Variants in CAST observed in about 807,000 individuals in gnomAD.
CAST encodes calpastatin, also known as MIR583 host.
A neutral mutation model predicts 119.6 loss-of-function variants in CAST; 76 were observed. That is an observed-to-expected ratio of 0.64 (90% CI 0.53 to 0.77). CAST has a LOEUF of 0.77. CAST is among the 30% of genes least tolerant of loss of function. The probability of loss-of-function intolerance (pLI) is 0.00; values close to 1 mark genes in which losing one functional copy is unlikely to be tolerated. For missense variants in CAST, 953 were observed against 946.5 expected (o/e 1.01, Z -0.09); for synonymous variants, 319 against 331.6 (o/e 0.96, Z 0.41).
At chr5:96,139,853 G>A in the CAST span, among the ~76,000 whole-genome samples, 1 of 151,936 alleles carries the variant, frequency 6.6e-6, no homozygotes, top group Non-Finnish European at 1.5e-5. Context: ...TTTTATTGCA[G>A]TAAAACTTTA....
intron 3 of CAST, among the ~76,000 whole-genome samples, chr5:96,699,648 G>A (rs1753659961): frequency 6.6e-6 from 1 of 152,194 alleles, no homozygotes; most frequent in Non-Finnish European, 1.5e-5. Context: ...GCTCATTCTT[G>A]TTTGGCACAT....
rs748295247 is a variant in CAST at position 96,766,072 on chromosome 5, A to G, written c.2057A>G (p.His686Arg). 3.7e-5 allele frequency: 59 copies of G among 1,606,120 alleles called. 1 individual carries two copies. The South Asian group carries it at 6.3e-4, about 17-fold the overall frequency. The change falls in exon 27 of 32, where the codon CAT (histidine) becomes CGT (arginine). Residue 686 changes from histidine to arginine, a missense_variant. By Grantham distance (29) the His-to-Arg change is conservative. Transcript: ENST00000675179. Reference sequence around the variant, plus strand: ...ATATAGGAAAAAGCTAAAGCTGAACATAGAGACAAGCTTGGAGAAAGAGAT... The same window carrying G: ...ATATAGGAAAAAGCTAAAGCTGAACGTAGAGACAAGCTTGGAGAAAGAGAT... ...DKVKEKAKAE[H>R]RDKLGERDDT... is the part of the protein sequence containing the mutation.
chr5:96,071,469 C>T, the CAST span, among the ~76,000 whole-genome samples: 1 of 152,128 alleles, frequency 6.6e-6, no homozygotes, highest in Non-Finnish European at 1.5e-5. Flanking sequence ...ATCCCTATTC[C>T]TAGGCATCCT....
chr5:96,401,131 A>G, the CAST span, among the ~76,000 whole-genome samples: 2 of 151,036 alleles, frequency 1.3e-5, no homozygotes, highest in Admixed American at 1.3e-4. Flanking sequence ...CAATCCAGTA[A>G]AAAGAATTAA....
At chr5:96,426,360 C>A in the CAST span, among the ~76,000 whole-genome samples, 1,266 of 152,210 alleles carry the variant, frequency 8.3e-3, 28 homozygotes, top group African/African-American at 0.029. Context: ...AGATTAATTT[C>A]TCTGTCTTTA....
chr5:96,519,976 G>A, the CAST span, among the ~76,000 whole-genome samples: 1 of 152,150 alleles, frequency 6.6e-6, no homozygotes, highest in African/African-American at 2.4e-5. Flanking sequence ...GTCTCACTGT[G>A]TTATATGAAT....
At chr5:96,023,312 G>A in the CAST span, among the ~76,000 whole-genome samples, 1 of 152,178 alleles carries the variant, frequency 6.6e-6, no homozygotes, top group African/African-American at 2.4e-5. Flanking sequence ...GCTCTGTGGG[G>A]TCAGGGTGAA....
the CAST span, among the ~76,000 whole-genome samples, chr5:96,061,510 T>C: frequency 6.6e-6 from 1 of 152,106 alleles, no homozygotes; most frequent in African/African-American, 2.4e-5. Context: ...AAAAAAGGCC[T>C]GAACTTGACT....
At chr5:96,139,520 GTATATATATACATA>G in the CAST span, among the ~76,000 whole-genome samples, 1 of 133,914 alleles carries the variant, frequency 7.5e-6, no homozygotes, top group Non-Finnish European at 1.6e-5. Context: ...ATATATATGT[GTATATATATACATA>G]TATATATGTA....
At chr5:96,292,700 C>A in the CAST span, among the ~76,000 whole-genome samples, 1 of 152,116 alleles carries the variant, frequency 6.6e-6, no homozygotes, top group Non-Finnish European at 1.5e-5. Flanking sequence ...TCATACAGTG[C>A]TAAATAATTT....
the CAST span, among the ~76,000 whole-genome samples, chr5:96,180,908 T>C: frequency 1.3e-5 from 2 of 152,266 alleles, no homozygotes; most frequent in East Asian, 3.9e-4. Context: ...TCCTCCAGAG[T>C]GTTGTGAAAG....
At chr5:96,027,389 G>A in the CAST span, among the ~76,000 whole-genome samples, 2 of 151,744 alleles carry the variant, frequency 1.3e-5, no homozygotes, top group African/African-American at 2.4e-5. Flanking sequence ...TTTGATATTC[G>A]TTATAGCTTT....
the CAST span, among the ~76,000 whole-genome samples, chr5:96,132,586 A>G: frequency 6.6e-6 from 1 of 152,038 alleles, no homozygotes; most frequent in African/African-American, 2.4e-5. Flanking sequence ...AACCTCTAAT[A>G]ACCACAATTC....
At chr5:96,739,997 A>T (rs376314326) in intron 11 of CAST, 41 bp from the exon 12 acceptor site, 1 of 921,436 alleles carries the variant, frequency 1.1e-6, no homozygotes, top group Non-Finnish European at 1.7e-6. Flanking sequence ...TTGTCAGGTA[A>T]TTAATTATAT....
the CAST span, among the ~76,000 whole-genome samples, chr5:96,281,151 T>C: frequency 0.16 from 24,600 of 152,108 alleles, 2,929 homozygotes; most frequent in African/African-American, 0.32. Context: ...TATGCATTAT[T>C]GAGAGCAATA....
the CAST span, among the ~76,000 whole-genome samples, chr5:95,984,426 A>G: frequency 6.6e-6 from 1 of 152,170 alleles, no homozygotes. Flanking sequence ...CTCTATCCTA[A>G]TTATCCTGTG....
chr5:96,369,126 G>A, the CAST span, among the ~76,000 whole-genome samples: 17 of 150,460 alleles, frequency 1.1e-4, no homozygotes, highest in Non-Finnish European at 2.2e-4. Flanking sequence ...CTTATATTGC[G>A]TTTTTATCTA....
At chr5:96,688,637 CATACTT>C (rs141894129) in intron 2 of CAST, among the ~76,000 whole-genome samples, 188 of 152,196 alleles carry the variant, frequency 1.2e-3, no homozygotes, top group African/African-American at 4.4e-3. Flanking sequence ...ATTCATATAA[CATACTT>C]ATAATATGTT....
rs1749314751 is a variant in CAST, at chr5:96,666,226, A to G, written c.75+3729A>G. Among the ~76,000 whole-genome samples, 5 of 150,996 alleles carry G rather than the reference A, an allele frequency of 3.3e-5. No homozygotes were observed. In the South Asian group the frequency reaches 1.0e-3, roughly 32 times the overall value. On this transcript the variant is annotated intron_variant, in intron 1 of 31. Transcript: ENST00000675179. The stretch of plus-strand genomic sequence containing the variant: ...ACATTGAATGCCATCAATCCTATTG[A>G]CTTTATCTTCTGAAAAATGTGGTTG...
Sources: gnomAD v4.1 joint callset for allele counts (sites outside exome capture counted in the v4.1 genomes callset) on GRCh38, gnomAD v4.1.1 for gene constraint, MANE v1.5 for transcripts, NCBI Gene and HGNC (gene_info 2026-07-23, HGNC 2026-07-21) for gene names.